The following ANTXR1 variants were observed in gnomAD, a reference collection of about 807,000 sequenced individuals.
ANTXR1 encodes anthrax toxin receptor 1.
A neutral mutation model predicts 78.1 loss-of-function variants in ANTXR1; 19 were observed. That is an observed-to-expected ratio of 0.24 (90% confidence interval 0.17 to 0.36). The LOEUF is 0.36. Among genes scored for constraint, ANTXR1 ranks in the 10% least tolerant of loss-of-function variants. The pLI, the probability that ANTXR1 is intolerant of heterozygous loss-of-function variation, is 1.00. For synonymous variants in ANTXR1, 273 were observed against 260.5 expected (o/e 1.05, Z -0.46); for missense variants, 518 against 718.6 (o/e 0.72, Z 3.19).
rs67110959 is a variant in ANTXR1 at position 69,072,956 on chromosome 2, GGAC to G, written c.413-65_413-63del. 0.11 allele frequency: 156,439 copies of G among 1,480,354 alleles called. 9,186 individuals carry two copies. The highest frequency in any genetic ancestry group is 0.2 in the East Asian group (8,898 of 44,186). 91.7% of individuals were successfully genotyped at this position (1,480,354 alleles called of 1,614,324 possible). A position where few individuals can be genotyped will look rare whatever the true frequency, so the allele number is the denominator to read the frequency against. On this transcript the variant is annotated intron_variant, in intron 5 of 17. Transcript: ENST00000303714. ...TGAACTCGTAAGAGGTTGAATCCTG[GGAC>G]TGAGAGGGTGTTTCCTTGGGTGGAG...
intron 14 of ANTXR1, among the ~76,000 whole-genome samples, chr2:69,173,781 C>T (rs1407143970): frequency 6.6e-6 from 1 of 152,162 alleles, no homozygotes; most frequent in African/African-American, 2.4e-5. Flanking sequence ...TGGGTTATGG[C>T]TTAGCCCCAA....
intron 12 of ANTXR1, among the ~76,000 whole-genome samples, chr2:69,144,148 G>A (rs1050934233): frequency 6.6e-6 from 1 of 152,196 alleles, no homozygotes; most frequent in Non-Finnish European, 1.5e-5. Context: ...TCCACTCAGA[G>A]CCCTGGAATG....
chr2:69,085,604 G>C (rs1026625314), intron 8 of ANTXR1, among the ~76,000 whole-genome samples: 19 of 151,976 alleles, frequency 1.3e-4, no homozygotes, highest in African/African-American at 4.4e-4. Context: ...TTTATTTAAT[G>C]CCTACTATGT....
intron 12 of ANTXR1, among the ~76,000 whole-genome samples, chr2:69,138,479 A>T (rs1672978475): frequency 6.6e-6 from 1 of 152,214 alleles, no homozygotes; most frequent in Admixed American, 6.5e-5. Context: ...CATTCCCAGA[A>T]GGCAGTCAAA....
At chr2:69,181,932 G>A (rs1418776341) in intron 15 of ANTXR1, 51 bp downstream of exon 15, 12 of 1,588,426 alleles carry the variant, frequency 7.6e-6, no homozygotes, top group East Asian at 4.5e-5. Flanking sequence ...TACTCCCATC[G>A]AGGTACCAGC....
intron 9 of ANTXR1, among the ~76,000 whole-genome samples, chr2:69,099,342 A>G (rs1671535577): frequency 6.6e-6 from 1 of 152,204 alleles, no homozygotes. Context: ...TACCATACTT[A>G]TCAGTTGATG....
intron 16 of ANTXR1, among the ~76,000 whole-genome samples, chr2:69,186,459 G>A (rs1168963966): frequency 6.6e-6 from 1 of 152,234 alleles, no homozygotes; most frequent in African/African-American, 2.4e-5. Flanking sequence ...CATAAACTCT[G>A]CTTCCCTTTC....
intron 3 of ANTXR1, among the ~76,000 whole-genome samples, chr2:69,056,250 T>A (rs1023715998): frequency 1.2e-4 from 19 of 152,070 alleles, no homozygotes; most frequent in African/African-American, 4.6e-4. Context: ...ACAAAAACAA[T>A]CCCAGTACTG....
At chr2:69,100,022 T>C (rs368204099) in intron 9 of ANTXR1, among the ~76,000 whole-genome samples, 4 of 152,294 alleles carry the variant, frequency 2.6e-5, no homozygotes, top group South Asian at 4.1e-4. Context: ...TCAAAGACCA[T>C]TTTCAGGTGG....
At chr2:69,030,471 T>A (rs1041658831) in intron 1 of ANTXR1, among the ~76,000 whole-genome samples, 1 of 152,156 alleles carries the variant, frequency 6.6e-6, no homozygotes, top group Admixed American at 6.5e-5. Flanking sequence ...GTTAAAAAAC[T>A]AACAGTATAG....
At chr2:69,170,877 C>G (rs947552146) in intron 14 of ANTXR1, among the ~76,000 whole-genome samples, 1 of 152,180 alleles carries the variant, frequency 6.6e-6, no homozygotes, top group Non-Finnish European at 1.5e-5. Flanking sequence ...ACCACTGAAT[C>G]GGCCAGTAAA....
intron 8 of ANTXR1, among the ~76,000 whole-genome samples, chr2:69,084,253 C>T (rs986936431): frequency 6.6e-6 from 1 of 152,198 alleles, no homozygotes; most frequent in African/African-American, 2.4e-5. Flanking sequence ...AGCTTTTCTC[C>T]TGCAGACATG....
At chr2:69,169,279 C>T (rs1477347682) in intron 13 of ANTXR1, among the ~76,000 whole-genome samples, 2 of 152,224 alleles carry the variant, frequency 1.3e-5, no homozygotes, top group Non-Finnish European at 2.9e-5. Context: ...TTTGGATTTG[C>T]CAGAAGTCCT....
At chr2:69,062,288 T>C (rs1047386599) in intron 3 of ANTXR1, among the ~76,000 whole-genome samples, 8 of 152,194 alleles carry the variant, frequency 5.3e-5, no homozygotes, top group Non-Finnish European at 1.0e-4. Context: ...AAAGCAGCAG[T>C]GGAGGAATTG....
chr2:69,055,142 A>G (rs775194719), intron 3 of ANTXR1, among the ~76,000 whole-genome samples: 2 of 152,142 alleles, frequency 1.3e-5, no homozygotes, highest in African/African-American at 2.4e-5. Context: ...ATAAACAGCT[A>G]AGGAATGGCC....
intron 1 of ANTXR1, among the ~76,000 whole-genome samples, chr2:69,019,242 TA>T (rs1365605873): frequency 6.6e-6 from 1 of 152,244 alleles, no homozygotes; most frequent in African/African-American, 2.4e-5. Context: ...TACAATCAGA[TA>T]TTTTTTATAT....
chr2:69,221,512 C>A (rs1457264124), intron 17 of ANTXR1, among the ~76,000 whole-genome samples: 2 of 151,924 alleles, frequency 1.3e-5, no homozygotes, highest in African/African-American at 2.4e-5. Flanking sequence ...ACCCAGAGAC[C>A]ATTTAGGAGG....
chr2:69,054,511 G>T (rs1477698422), intron 3 of ANTXR1, among the ~76,000 whole-genome samples: 2 of 152,138 alleles, frequency 1.3e-5, no homozygotes, highest in East Asian at 3.9e-4. Context: ...CACAGATGGG[G>T]GTACGAGGTT....
intron 14 of ANTXR1, among the ~76,000 whole-genome samples, chr2:69,176,254 T>C (rs1397028966): frequency 6.6e-6 from 1 of 152,176 alleles, no homozygotes; most frequent in East Asian, 1.9e-4. Flanking sequence ...CCTTGTGTTG[T>C]CTTTAATCAC....
Sources: allele counts gnomAD v4.1 joint callset (sites outside exome capture counted in the v4.1 genomes callset), GRCh38; gene constraint gnomAD v4.1.1; transcripts MANE v1.5; gene names NCBI Gene and HGNC (gene_info 2026-07-23, HGNC 2026-07-21).